The following MAN1C1 variants were observed in gnomAD, a reference collection of about 807,000 sequenced individuals.
MAN1C1 encodes the protein mannosidase alpha class 1C member 1.
In MAN1C1, 49 loss-of-function variants were observed where a neutral mutation model predicts 71.5. The observed-to-expected ratio is 0.69, with a 90% confidence interval of 0.54 to 0.87. The LOEUF is 0.87. Among genes scored for constraint, MAN1C1 ranks in the 40% least tolerant of loss-of-function variants. The probability of loss-of-function intolerance (pLI) is 0.00; values close to 1 mark genes in which losing one functional copy is unlikely to be tolerated. For missense variants in MAN1C1, 743 were observed against 835.0 expected (o/e 0.89, Z 1.36); for synonymous variants, 352 against 343.7 (o/e 1.02, Z -0.27).
At position 25,769,927 on chromosome 1, in the gene MAN1C1, G is replaced by A. The variant is rs928150794; in HGVS notation, c.1142-1730G>A. Among the ~76,000 whole-genome samples, 24 of 152,202 alleles carry A rather than the reference G, an allele frequency of 1.6e-4. No individual in the cohort carries two copies. Among genetic ancestry groups the A allele is most frequent in the African/African-American group, 2.7e-4 (11 of 41,450 alleles). ...CGTGGCCACCCTATGGGGAGGGACC[G>A]GGAGCAGGCTTGTGAGAATGCCTGA... On this transcript the variant is annotated intron_variant, in intron 7 of 11. Coordinates refer to ENST00000374332, the MANE Select transcript of MAN1C1 (RefSeq NM_020379.4). The surrounding 1 kb of genome is among the most constrained non-coding windows in gnomAD (Gnocchi z 4.8).
At chr1:25,680,489 CT>C (rs2046136446) in intron 1 of MAN1C1, among the ~76,000 whole-genome samples, 1 of 152,202 alleles carries the variant, frequency 6.6e-6, no homozygotes, top group African/African-American at 2.4e-5. Flanking sequence ...CCCCTAGTCC[CT>C]GGCGACCACT....
Position 25,755,673 on chromosome 1 carries a change from G to A in MAN1C1, c.929+2095G>A, listed in dbSNP as rs1215657460. Among the ~76,000 whole-genome samples, 5 of 152,214 alleles carry A rather than the reference G, an allele frequency of 3.3e-5. No homozygotes were observed. In the South Asian group the frequency reaches 1.0e-3, roughly 32 times the overall value. The stretch of plus-strand genomic sequence containing the variant: ...CTCAGAGAGGTGAGGTAACTTGCCT[G>A]AGGTCACACAGCAGCAAAGCAAACT... On this transcript the variant is annotated intron_variant, in intron 5 of 11. Coordinates refer to ENST00000374332, the MANE Select transcript of MAN1C1 (RefSeq NM_020379.4).
At chr1:25,663,069 C>T (rs915408655) in intron 1 of MAN1C1, among the ~76,000 whole-genome samples, 2 of 148,684 alleles carry the variant, frequency 1.3e-5, no homozygotes, top group South Asian at 4.2e-4. Flanking sequence ...CCAGCCTGGT[C>T]AATAGAGTGA....
intron 1 of MAN1C1, among the ~76,000 whole-genome samples, chr1:25,646,590 C>T (rs1316993993): frequency 6.6e-6 from 1 of 152,218 alleles, no homozygotes; most frequent in Non-Finnish European, 1.5e-5. Flanking sequence ...ACCCATTAGG[C>T]AGTCACTCCA....
At position 25,617,801 on chromosome 1, in the gene MAN1C1, C is replaced by T; in HGVS notation, c.4C>T (p.Leu2Phe). ...TGGAGCCACCGGCCGGGCCACGATG[C>T]TCATGAGGAAAGTGCCCGGCTTCGT... M[L>F]MRKVPGFVPA... Residue 2 changes from leucine to phenylalanine, a missense_variant, in exon 1 of 12, where the codon CTC (leucine) becomes TTC (phenylalanine). By Grantham distance (22) the Leu-to-Phe change is conservative (BLOSUM62 0). Transcript: ENST00000374332. This position sits in a 1 kb window ranked among gnomAD's most constrained non-coding sequence, Gnocchi z 5.1. 1 of 1,596,058 alleles carries T rather than the reference C, an allele frequency of 6.3e-7. No homozygotes were observed. The highest frequency in any genetic ancestry group is 8.5e-7 in the Non-Finnish European group (1 of 1,173,478).
chr1:25,756,296 G>A (rs552797145), intron 5 of MAN1C1, among the ~76,000 whole-genome samples: 22 of 152,326 alleles, frequency 1.4e-4, no homozygotes, highest in African/African-American at 4.8e-4. Flanking sequence ...GTTGGGACCC[G>A]GAGAAGCCAC....
chr1:25,778,306 G>T lies in MAN1C1; in HGVS notation c.1459G>T (p.Glu487Ter). 6.2e-7 allele frequency: 1 copy of T among 1,612,546 alleles called. No individual in the cohort carries two copies. Among genetic ancestry groups the T allele is most frequent in the Non-Finnish European group, 8.5e-7 (1 of 1,179,090 alleles). The change falls in exon 9 of 12, where the codon GAG becomes TAG. Residue 487 changes from glutamate (E) to a stop codon, truncating the protein, a stop_gained. Transcript: ENST00000374332. LOFTEE classifies it high-confidence loss of function. The surrounding 1 kb of genome is among the most constrained non-coding windows in gnomAD (Gnocchi z 5.5). ...AGCCCAGATCACCAAGACGTGTCAC[G>T]AGTCATACGCCCGCTCAGGTAACCC... ...LAAQITKTCH[E>*]SYARSDTKLG...
At chr1:25,653,182 C>T (rs2045717858) in intron 1 of MAN1C1, among the ~76,000 whole-genome samples, 2 of 151,044 alleles carry the variant, frequency 1.3e-5, no homozygotes, top group African/African-American at 4.9e-5. Flanking sequence ...GGCTCAAATC[C>T]ATCCTCCCAC....
In MAN1C1 at chr1:25,730,647, T is replaced by C. The variant is rs1312673450; in HGVS notation, c.638-16021T>C. Among the ~76,000 whole-genome samples, 2 of 152,206 alleles carry C rather than the reference T, an allele frequency of 1.3e-5. No individual in the cohort carries two copies. The highest frequency in any genetic ancestry group is 2.4e-5 in the African/African-American group (1 of 41,460). On this transcript the variant is annotated intron_variant, in intron 2 of 11. Coordinates refer to ENST00000374332, the MANE Select transcript of MAN1C1 (RefSeq NM_020379.4). The surrounding 1 kb of genome is among the most constrained non-coding windows in gnomAD (Gnocchi z 4.3). Reference sequence around the variant, plus strand: ...ACGTTTGCTGCATTTGTGAATTGTTTGGGCACTGAGGTCTGAAACAGAGGC... The same window carrying C: ...ACGTTTGCTGCATTTGTGAATTGTTCGGGCACTGAGGTCTGAAACAGAGGC...
chr1:25,742,215 C>T (rs969832141), intron 2 of MAN1C1, among the ~76,000 whole-genome samples: 1 of 152,180 alleles, frequency 6.6e-6, no homozygotes, highest in Non-Finnish European at 1.5e-5. Context: ...GGTATGGAAG[C>T]AGGAGCTTGC....
At chr1:25,709,740 A>G (rs1430901901) in intron 2 of MAN1C1, 1 of 151,460 alleles carries the variant, frequency 6.6e-6, no homozygotes, top group Non-Finnish European at 1.5e-5. Context: ...CTATCTATCT[A>G]TATTTATTTA....
At chr1:25,696,499 TC>T (rs1349029058) in intron 2 of MAN1C1, among the ~76,000 whole-genome samples, 1 of 152,150 alleles carries the variant, frequency 6.6e-6, no homozygotes, top group Admixed American at 6.5e-5. Context: ...AAGTGCACAG[TC>T]TAATGGATTT....
At chr1:25,724,846 G>C (rs914639362) in intron 2 of MAN1C1, among the ~76,000 whole-genome samples, 1 of 152,180 alleles carries the variant, frequency 6.6e-6, no homozygotes, top group Non-Finnish European at 1.5e-5. Context: ...AAGAAATGCT[G>C]CCCATCTCTA....
At chr1:25,652,204 C>T (rs1207811196) in intron 1 of MAN1C1, among the ~76,000 whole-genome samples, 1 of 152,184 alleles carries the variant, frequency 6.6e-6, no homozygotes, top group African/African-American at 2.4e-5. Flanking sequence ...CATGTCAGGC[C>T]CTGAAGGCCT....
At chr1:25,651,226 G>C (rs575255947) in intron 1 of MAN1C1, among the ~76,000 whole-genome samples, 41 of 152,368 alleles carry the variant, frequency 2.7e-4, no homozygotes, top group Non-Finnish European at 5.1e-4. Flanking sequence ...AGGAGAAGCG[G>C]GCAGACTGGC....
At chr1:25,731,323 AATC>A (rs1217837815) in intron 2 of MAN1C1, among the ~76,000 whole-genome samples, 3 of 147,108 alleles carry the variant, frequency 2.0e-5, no homozygotes, top group South Asian at 2.1e-4. Context: ...AAATAACAAT[AATC>A]ATCATCATCG....
chr1:25,726,840 A>T (rs2046838325), intron 2 of MAN1C1, among the ~76,000 whole-genome samples: 1 of 151,448 alleles, frequency 6.6e-6, no homozygotes, highest in African/African-American at 2.4e-5. Context: ...AGGATCACTT[A>T]AGTTCAGGAG....
chr1:25,622,052 A>T (rs892546457), intron 1 of MAN1C1, among the ~76,000 whole-genome samples: 1 of 152,156 alleles, frequency 6.6e-6, no homozygotes. Context: ...GCCCTTGCCC[A>T]TATGGTGTTT....
intron 2 of MAN1C1, among the ~76,000 whole-genome samples, chr1:25,740,738 C>T (rs2047052003): frequency 6.6e-6 from 1 of 151,904 alleles, no homozygotes; most frequent in African/African-American, 2.4e-5. Context: ...GCCCGGCTGA[C>T]TTGAATTTTT....
Sources: allele counts gnomAD v4.1 joint callset (sites outside exome capture counted in the v4.1 genomes callset), GRCh38; gene constraint gnomAD v4.1.1; non-coding constraint Gnocchi (gnomAD v3.1); transcripts MANE v1.5; gene names NCBI Gene and HGNC (gene_info 2026-07-23, HGNC 2026-07-21).